SH3KBP1: variants seen among roughly 807,000 people sequenced by gnomAD.
SH3KBP1 encodes the protein SH3 domain-containing kinase-binding protein 1.
In SH3KBP1, 8 loss-of-function variants were observed where a neutral mutation model predicts 50.1. The observed-to-expected ratio is 0.16, with a 90% CI of 0.09 to 0.29. The LOEUF is 0.29. SH3KBP1 is among the 10% of genes least tolerant of loss of function. The probability of loss-of-function intolerance (pLI) is 1.00; values close to 1 mark genes in which losing one functional copy is unlikely to be tolerated. For synonymous variants in SH3KBP1, 227 were observed against 218.6 expected (o/e 1.04, Z -0.34); for missense variants, 377 against 535.2 (o/e 0.70, Z 2.92).
intron 13 of SH3KBP1, among the ~76,000 whole-genome samples, chrX:19,562,042 G>A (rs2065696372): frequency 9.0e-6 from 1 of 110,844 alleles, no homozygotes; most frequent in Non-Finnish European, 1.9e-5. Context: ...CTCTCCAACT[G>A]CTAATCACTT....
intron 12 of SH3KBP1, among the ~76,000 whole-genome samples, chrX:19,580,895 T>C (rs142686276): frequency 4.0e-3 from 443 of 111,822 alleles, no homozygotes; most frequent in Non-Finnish European, 4.6e-3. Context: ...TATTCCATGC[T>C]TGTAACTACC....
intron 3 of SH3KBP1, among the ~76,000 whole-genome samples, chrX:19,714,118 G>T (rs2063845957): frequency 8.9e-6 from 1 of 111,777 alleles, no homozygotes; most frequent in Admixed American, 9.5e-5. Context: ...TTCTCACTTT[G>T]TAAGATCTAA....
chrX:19,601,985 G>T (rs1489871628), intron 9 of SH3KBP1, among the ~76,000 whole-genome samples: 1 of 110,764 alleles, frequency 9.0e-6, no homozygotes, highest in Non-Finnish European at 1.9e-5. Flanking sequence ...TCAGACTGAT[G>T]GCCTATTGGG....
chrX:19,887,211 GC>G (rs1270294514), intron 1 of SH3KBP1, 95 bp downstream of exon 1: 3 of 775,103 alleles, frequency 3.9e-6, no homozygotes, highest in African/African-American at 4.5e-5. Flanking sequence ...TCCGGACCCT[GC>G]CCCCGGGGCG....
chrX:19,572,309 CATATGTTATATAGTACATAT>C (rs1328287887), intron 12 of SH3KBP1, among the ~76,000 whole-genome samples: 3 of 102,740 alleles, frequency 2.9e-5, no homozygotes, highest in African/African-American at 7.1e-5. Context: ...ATATATAGTA[CATATGTTATATAGTACATAT>C]ATATGTTATA....
At chrX:19,773,924 G>GTCC (rs1414882231) in intron 2 of SH3KBP1, among the ~76,000 whole-genome samples, 1 of 105,271 alleles carries the variant, frequency 9.5e-6, no homozygotes, top group Non-Finnish European at 1.9e-5. Flanking sequence ...TCCTTCCCAG[G>GTCC]TCCTCACTGA....
intron 13 of SH3KBP1, 59 bp from the exon 14 acceptor site, chrX:19,550,142 T>C (rs761198389): frequency 5.6e-6 from 4 of 716,668 alleles, no homozygotes; most frequent in African/African-American, 4.3e-5. Flanking sequence ...TCTTATGATA[T>C]GTCATAAGCA....
chrX:19,625,931 C>T (rs769405465), intron 8 of SH3KBP1, among the ~76,000 whole-genome samples: 2 of 111,724 alleles, frequency 1.8e-5, no homozygotes, highest in Non-Finnish European at 3.8e-5. Flanking sequence ...GGGAGTCCCT[C>T]GGGAAAGCTG....
At chrX:19,841,749 A>G (rs1435913002) in intron 1 of SH3KBP1, among the ~76,000 whole-genome samples, 9 of 109,383 alleles carry the variant, frequency 8.2e-5, no homozygotes, top group African/African-American at 3.0e-4. Flanking sequence ...AGAAGGTTCC[A>G]TGACTTAGGC....
intron 2 of SH3KBP1, among the ~76,000 whole-genome samples, chrX:19,800,907 G>A (rs952625505): frequency 2.7e-5 from 3 of 111,135 alleles, no homozygotes; most frequent in Non-Finnish European, 5.7e-5. Context: ...GCCCCCAAGT[G>A]AAAGGAAACA....
chrX:19,548,710 A>G (rs2065152443), intron 14 of SH3KBP1, among the ~76,000 whole-genome samples: 1 of 111,212 alleles, frequency 9.0e-6, no homozygotes, highest in African/African-American at 3.3e-5. Context: ...CAGTGATGAC[A>G]TGAAAATAGG....
At chrX:19,832,668 G>A (rs757395170) in intron 2 of SH3KBP1, among the ~76,000 whole-genome samples, 1 of 109,287 alleles carries the variant, frequency 9.2e-6, no homozygotes, top group Non-Finnish European at 1.9e-5. Flanking sequence ...AATCTCACTC[G>A]CATCCCTCCC....
chrX:19,788,319 G>T (rs1390830500), intron 2 of SH3KBP1, among the ~76,000 whole-genome samples: 2 of 106,281 alleles, frequency 1.9e-5, no homozygotes, highest in Non-Finnish European at 3.8e-5. Flanking sequence ...AAGAACTTTG[G>T]ACACAGAGAT....
chrX:19,739,930 G>A (rs1274235002), intron 3 of SH3KBP1, among the ~76,000 whole-genome samples: 3 of 110,488 alleles, frequency 2.7e-5, no homozygotes, highest in Admixed American at 9.6e-5. Context: ...GGAGTATGGC[G>A]GGAGTCTTAA....
chrX:19,804,114 G>A (rs1045577146), intron 2 of SH3KBP1, among the ~76,000 whole-genome samples: 2 of 112,007 alleles, frequency 1.8e-5, no homozygotes, highest in Non-Finnish European at 3.8e-5. Context: ...AGAGGTTGCA[G>A]TAGGCTAAGA....
At chrX:19,615,147 C>T (rs1333986945) in intron 8 of SH3KBP1, among the ~76,000 whole-genome samples, 1 of 112,092 alleles carries the variant, frequency 8.9e-6, no homozygotes, top group East Asian at 2.8e-4. Context: ...TTAAAATTAC[C>T]CCAAAAAGGA....
At chrX:19,699,263 T>C (rs910230108) in intron 4 of SH3KBP1, among the ~76,000 whole-genome samples, 1 of 112,578 alleles carries the variant, frequency 8.9e-6, no homozygotes, top group Non-Finnish European at 1.9e-5. Context: ...TGTTTGCATT[T>C]CTATAGTTAA....
intron 12 of SH3KBP1, among the ~76,000 whole-genome samples, chrX:19,584,891 C>T (rs765742058): frequency 1.8e-5 from 2 of 111,635 alleles, no homozygotes; most frequent in South Asian, 3.8e-4. Flanking sequence ...TGCATGCAAT[C>T]GTCCATCTAT....
intron 1 of SH3KBP1, among the ~76,000 whole-genome samples, chrX:19,860,532 G>T (rs1370008293): frequency 3.6e-5 from 4 of 111,534 alleles, no homozygotes; most frequent in Non-Finnish European, 7.5e-5. Context: ...AAAAGTTCTG[G>T]AAACAGATAA....
Sources: allele counts gnomAD v4.1 joint callset (sites outside exome capture counted in the v4.1 genomes callset), GRCh38; gene constraint gnomAD v4.1.1; transcripts MANE v1.5; gene names NCBI Gene and HGNC (gene_info 2026-07-23, HGNC 2026-07-21).